The following PATJ variants were observed in gnomAD, a reference collection of about 807,000 sequenced individuals.
The protein encoded by PATJ is PATJ crumbs cell polarity complex component.
In PATJ, 190 loss-of-function variants were observed where a neutral mutation model predicts 224.9. The observed-to-expected ratio is 0.84, with a 90% confidence interval of 0.75 to 0.95. PATJ has a LOEUF of 0.95. Ranked by LOEUF, PATJ falls within the 40% of genes least tolerant of loss-of-function variation. The pLI, the probability that PATJ is intolerant of heterozygous loss-of-function variation, is 0.00. For synonymous variants in PATJ, 769 were observed against 820.3 expected (o/e 0.94, Z 1.07); for missense variants, 2,121 against 2,270.3 (o/e 0.93, Z 1.34).
At chr1:61,922,295 T>C (rs1288050134) in intron 26 of PATJ, among the ~76,000 whole-genome samples, 1 of 152,108 alleles carries the variant, frequency 6.6e-6, no homozygotes, top group Non-Finnish European at 1.5e-5. Context: ...TCTGCCCGCC[T>C]CAGCCTCCCA....
intron 28 of PATJ, among the ~76,000 whole-genome samples, chr1:61,992,998 A>G (rs1645154272): frequency 6.6e-6 from 1 of 152,192 alleles, no homozygotes; most frequent in Non-Finnish European, 1.5e-5. Flanking sequence ...CCAATTGAGT[A>G]TCCTATGATT....
chr1:62,115,472 A>T (rs987202494), intron 35 of PATJ, among the ~76,000 whole-genome samples: 12 of 151,922 alleles, frequency 7.9e-5, no homozygotes, highest in Admixed American at 2.6e-4. Context: ...CTCTAAAAAA[A>T]TTTTTTAAAT....
intron 6 of PATJ, 38 bp from the exon 7 acceptor site, chr1:61,775,168 T>C: frequency 6.3e-7 from 1 of 1,589,372 alleles, no homozygotes; most frequent in Non-Finnish European, 8.5e-7. Context: ...CTGTGTGTAT[T>C]ACTGATACTG....
intron 22 of PATJ, among the ~76,000 whole-genome samples, chr1:61,889,474 G>A (rs538233885): frequency 3.1e-4 from 47 of 152,254 alleles, no homozygotes; most frequent in African/African-American, 1.1e-3. Flanking sequence ...ACCCCACTGC[G>A]TGCCTGAAAC....
At chr1:61,854,509 T>C (rs1317553742) in intron 17 of PATJ, among the ~76,000 whole-genome samples, 1 of 152,194 alleles carries the variant, frequency 6.6e-6, no homozygotes, top group Non-Finnish European at 1.5e-5. Context: ...TACAACTCTT[T>C]GTTTCCCGTT....
chr1:61,917,587 T>G (rs914459896), intron 26 of PATJ, among the ~76,000 whole-genome samples: 5 of 152,194 alleles, frequency 3.3e-5, no homozygotes, highest in African/African-American at 1.2e-4. Context: ...TTTTGTTTTG[T>G]TTTTCCCCAT....
chr1:61,761,406 C>T (rs1235752753), intron 1 of PATJ, among the ~76,000 whole-genome samples: 1 of 152,104 alleles, frequency 6.6e-6, no homozygotes. Flanking sequence ...AGCCTCTACC[C>T]TTCTAAGTTT....
At chr1:62,043,413 G>A (rs2148541816) in intron 30 of PATJ, among the ~76,000 whole-genome samples, 1 of 152,228 alleles carries the variant, frequency 6.6e-6, no homozygotes, top group Admixed American at 6.5e-5. Context: ...AGCCAGTTAT[G>A]CTCTATAAAC....
intron 17 of PATJ, among the ~76,000 whole-genome samples, chr1:61,835,300 T>C (rs578086519): frequency 3.9e-4 from 59 of 152,210 alleles, no homozygotes; most frequent in Non-Finnish European, 7.2e-4. Flanking sequence ...TTCCCCATTG[T>C]AGCTATATTA....
Position 62,007,537 on chromosome 1 carries a change from C to T in PATJ, c.3868-10319C>T, listed in dbSNP as rs992998334. On this transcript the variant is annotated intron_variant, in intron 28 of 43. Coordinates refer to ENST00000642238, the MANE Select transcript of PATJ (RefSeq NM_001350145.3). The stretch of plus-strand genomic sequence containing the variant: ...GAAAGAGGTATGTCAGTTAGATTTA[C>T]AAATTAATATTCAGAATTAGCAGGA... Among the ~76,000 whole-genome samples the T allele has an allele frequency of 1.7e-4, 26 of 152,180 alleles. 1 individual carries two copies. The highest frequency in any genetic ancestry group is 3.4e-4 in the Non-Finnish European group (23 of 68,038).
At chr1:61,894,255 A>AT (rs1428602537) in intron 22 of PATJ, among the ~76,000 whole-genome samples, 1 of 141,474 alleles carries the variant, frequency 7.1e-6, no homozygotes, top group African/African-American at 2.8e-5. Flanking sequence ...ACTCTATCTC[A>AT]TAAAAAAAAA....
intron 17 of PATJ, among the ~76,000 whole-genome samples, chr1:61,855,112 C>T (rs555942290): frequency 7.0e-4 from 106 of 152,262 alleles, no homozygotes; most frequent in Non-Finnish European, 1.3e-3. Flanking sequence ...GGTATAAGAA[C>T]GGAGTATCAT....
chr1:62,116,381 G>C (rs1253608261), intron 35 of PATJ, 151 bp from the exon 36 acceptor site: 1 of 861,520 alleles, frequency 1.2e-6, no homozygotes, highest in Non-Finnish European at 1.7e-6. Context: ...TGCTGATAAA[G>C]GCAAATTACC....
chr1:61,883,982 AT>A (rs66955606), intron 21 of PATJ, among the ~76,000 whole-genome samples: 1 of 151,804 alleles, frequency 6.6e-6, no homozygotes, highest in South Asian at 2.1e-4. Flanking sequence ...CATAAATGCC[AT>A]TTTTTTTTAG....
In PATJ at chr1:61,899,568, T is replaced by C. The variant is rs1460033055; in HGVS notation, c.3132-15T>C. ...CCCTAAAATTGTGTGTATTTTTTTC[T>C]TTCTCCCTCTGTAGTGAGTTACCTG... On this transcript the variant is annotated splice_polypyrimidine_tract_variant and intron_variant, in intron 22 of 43. Transcript: ENST00000642238. The C allele has an allele frequency of 1.3e-6, 2 of 1,585,246 alleles. No individual in the cohort carries two copies. The highest frequency in any genetic ancestry group is 8.6e-7 in the Non-Finnish European group (1 of 1,165,708).
At chr1:62,073,873 A>G (rs941950011) in intron 31 of PATJ, among the ~76,000 whole-genome samples, 1 of 152,144 alleles carries the variant, frequency 6.6e-6, no homozygotes, top group Non-Finnish European at 1.5e-5. Flanking sequence ...AGAAATAAAA[A>G]TTACAAATGG....
At chr1:61,858,919 G>T (rs1664128517) in intron 18 of PATJ, among the ~76,000 whole-genome samples, 1 of 152,182 alleles carries the variant, frequency 6.6e-6, no homozygotes, top group Non-Finnish European at 1.5e-5. Flanking sequence ...GACCTTTTGT[G>T]TATTTGGTGT....
At chr1:61,864,888 A>G (rs184085458) in intron 20 of PATJ, among the ~76,000 whole-genome samples, 1 of 151,744 alleles carries the variant, frequency 6.6e-6, no homozygotes, top group Admixed American at 6.6e-5. Context: ...TTGCTTTTTT[A>G]GTGATGTTTT....
chr1:61,816,292 C>A (rs1212351841), intron 14 of PATJ: 1 of 151,998 alleles, frequency 6.6e-6, no homozygotes, highest in African/African-American at 2.4e-5. Flanking sequence ...TAATAGTAAC[C>A]TTATTGGTCA....
Sources: allele counts gnomAD v4.1 joint callset (sites outside exome capture counted in the v4.1 genomes callset), GRCh38; gene constraint gnomAD v4.1.1; transcripts MANE v1.5; gene names NCBI Gene and HGNC (gene_info 2026-07-23, HGNC 2026-07-21).